PIEZO2: variants seen among roughly 807,000 people sequenced by gnomAD.
PIEZO2 encodes piezo type mechanosensitive ion channel component 2.
PIEZO2 carries 172 observed loss-of-function variants against 337.3 expected under a neutral mutation model. The ratio of observed to expected loss-of-function variants is 0.51; its 90% CI spans 0.45 to 0.58. The LOEUF is 0.58. Ranked by LOEUF, PIEZO2 falls within the 20% of genes least tolerant of loss-of-function variation. The pLI is 0.00. For synonymous variants in PIEZO2, 1,251 were observed against 1,228.5 expected (o/e 1.02, Z -0.38); for missense variants, 3,028 against 3,391.3 (o/e 0.89, Z 2.66).
rs569091611 is a variant in PIEZO2, at chr18:10,937,940, T to C, written c.287-26712A>G. ...AACCAGTTCTGACACAAATGGTGGG[T>C]TTCAGAGAACGGAGTAGAGATGAGA... On this transcript the variant is annotated intron_variant, in intron 3 of 55. Coordinates refer to ENST00000674853, the MANE Select transcript of PIEZO2 (RefSeq NM_001378183.1). Among the ~76,000 whole-genome samples, 6 of 152,288 alleles carry C rather than the reference T, an allele frequency of 3.9e-5. No individual in the cohort carries two copies. In the South Asian group the frequency reaches 1.2e-3, roughly 32 times the overall value.
At position 10,820,718 on chromosome 18, in the gene PIEZO2, G is replaced by A. The variant is rs146660391; in HGVS notation, c.918-13444C>T. On this transcript the variant is annotated intron_variant, in intron 7 of 55. Coordinates refer to ENST00000674853, the MANE Select transcript of PIEZO2 (RefSeq NM_001378183.1). ...TGAACATTGTTATTTCTACATTATCGAGTGTCTCGATTTTGTTGTCATTTA... is the reference window on the plus strand; with the variant it reads ...TGAACATTGTTATTTCTACATTATCAAGTGTCTCGATTTTGTTGTCATTTA... 4.2e-3 allele frequency among the ~76,000 whole-genome samples: 641 copies of A among 152,030 alleles called. 1 individual carries two copies. Among genetic ancestry groups the A allele is most frequent in the African/African-American group, 0.014 (580 of 41,464 alleles).
At position 10,787,866 on chromosome 18, in the gene PIEZO2, G is replaced by C. The variant is rs534252036; in HGVS notation, c.2170-682C>G. On this transcript the variant is annotated intron_variant, in intron 15 of 55. Coordinates refer to ENST00000674853, the MANE Select transcript of PIEZO2 (RefSeq NM_001378183.1). ...ATCATCAGTTAAAAGTGAGTCTGTG[G>C]AGAAGTAACTCATTTTAATGTATCT... Among the ~76,000 whole-genome samples the C allele has an allele frequency of 3.2e-4, 48 of 152,228 alleles. No individual in the cohort carries two copies. The South Asian group carries it at 8.9e-3, about 28-fold the overall frequency.
intron 1 of PIEZO2, among the ~76,000 whole-genome samples, chr18:11,107,013 T>C (rs1260634490): frequency 4.6e-5 from 7 of 152,178 alleles, no homozygotes; most frequent in Non-Finnish European, 8.8e-5. Context: ...AAGCTTCAGT[T>C]TGACAAAAAA....
chr18:10,731,667 A>ATT (rs3034920), intron 35 of PIEZO2, 146 bp from the exon 36 acceptor site: 7,842 of 379,708 alleles, frequency 0.021, no homozygotes, highest in South Asian at 0.028. Context: ...ATGAGATTCA[A>ATT]TTTTTTTTTT....
chr18:10,961,086 CAGG>C, intron 3 of PIEZO2, among the ~76,000 whole-genome samples: 1 of 151,644 alleles, frequency 6.6e-6, no homozygotes, highest in East Asian at 1.9e-4. Context: ...GAGGCTGAGG[CAGG>C]AGAATGGTGT....
rs2039153915 is a variant in PIEZO2, at chr18:10,784,710, G to A, written c.2492+74C>T. 1.5e-6 allele frequency: 2 copies of A among 1,318,412 alleles called. No homozygotes were observed. Among genetic ancestry groups the A allele is most frequent in the Admixed American group, 6.6e-5 (2 of 30,532 alleles). 81.7% of individuals were successfully genotyped at this position (1,318,412 alleles called of 1,614,324 possible). On this transcript the variant is annotated intron_variant, in intron 17 of 55. Coordinates refer to ENST00000674853, the MANE Select transcript of PIEZO2 (RefSeq NM_001378183.1). This position sits in a 1 kb window ranked among gnomAD's most constrained non-coding sequence, Gnocchi z 4.5. ...TTTTAGATTACTGGCTTCTCGCAAG[G>A]TGGCCAACCTAAGGTAGGGTTGAAG...
chr18:11,126,540 C>T lies in PIEZO2; in HGVS notation c.64+21985G>A, dbSNP rs1371241224. ...AAGGCCCACGTGATCTGATGAATAC[C>T]ATCAGCAATTTTTTTACTCTGAGAA... is the stretch of plus-strand genomic sequence containing the variant. On this transcript the variant is annotated intron_variant, in intron 1 of 55. Coordinates refer to ENST00000674853, the MANE Select transcript of PIEZO2 (RefSeq NM_001378183.1). The surrounding 1 kb of genome is among the most constrained non-coding windows in gnomAD (Gnocchi z 4.6). Among the ~76,000 whole-genome samples, 1 of 152,098 alleles carries T rather than the reference C, an allele frequency of 6.6e-6. No homozygotes were observed. Among genetic ancestry groups the T allele is most frequent in the African/African-American group, 2.4e-5 (1 of 41,416 alleles).
At chr18:10,733,610 G>A (rs1047644339) in intron 35 of PIEZO2, among the ~76,000 whole-genome samples, 2 of 151,958 alleles carry the variant, frequency 1.3e-5, no homozygotes, top group Non-Finnish European at 2.9e-5. Context: ...CACCACGCCC[G>A]GCTAATTTTT....
At position 10,807,110 on chromosome 18, in the gene PIEZO2, A is replaced by C; in HGVS notation, c.1080+2T>G. The C allele has an allele frequency of 6.5e-7, 1 of 1,533,392 alleles. No individual in the cohort carries two copies. Among genetic ancestry groups the C allele is most frequent in the Non-Finnish European group, 8.7e-7 (1 of 1,144,826 alleles). 95.0% of individuals were successfully genotyped at this position (1,533,392 alleles called of 1,614,324 possible). On this transcript the variant is annotated splice_donor_variant, in intron 8 of 55. Coordinates refer to ENST00000674853, the MANE Select transcript of PIEZO2 (RefSeq NM_001378183.1). LOFTEE classifies it high-confidence loss of function. ...AGATCATGAAAATGTTTTTGTCCTT[A>C]CAAGGGGCTCTTGCAGCCAGATGCG...
At chr18:10,874,128 T>C (rs1048428966) in intron 4 of PIEZO2, among the ~76,000 whole-genome samples, 3 of 151,824 alleles carry the variant, frequency 2.0e-5, no homozygotes, top group African/African-American at 7.3e-5. Context: ...ATAGTAAAAA[T>C]AAACAACCAA....
intron 2 of PIEZO2, among the ~76,000 whole-genome samples, chr18:10,987,637 G>A (rs2034929661): frequency 6.6e-6 from 1 of 151,980 alleles, no homozygotes; most frequent in Non-Finnish European, 1.5e-5. Flanking sequence ...ATTGGTTTTG[G>A]CAATGACTTT....
At chr18:11,037,172 G>A (rs1336501474) in intron 2 of PIEZO2, among the ~76,000 whole-genome samples, 3 of 151,984 alleles carry the variant, frequency 2.0e-5, no homozygotes, top group Non-Finnish European at 2.9e-5. Context: ...TCACCATGTC[G>A]GCCAGTCAGA....
chr18:11,059,199 C>T (rs542383689), intron 2 of PIEZO2, among the ~76,000 whole-genome samples: 58 of 149,524 alleles, frequency 3.9e-4, no homozygotes, highest in African/African-American at 1.2e-3. Context: ...TACAGACAAG[C>T]AAATGCTGAG....
intron 15 of PIEZO2, among the ~76,000 whole-genome samples, chr18:10,788,432 AAGGAAGGAAGGAAGG>A (rs2039301229): frequency 2.8e-5 from 1 of 35,202 alleles, no homozygotes; most frequent in African/African-American, 1.8e-4. Flanking sequence ...GAAAGAAAGG[AAGGAAGGAAGGAAGG>A]AAGGAAGGAA....
rs1268264410 is a variant in PIEZO2, at chr18:11,078,149, A to ACACACACACATACACACAC, written c.65-11946_65-11928dup. ...ACACACACATACACACACACTCACC[A>ACACACACACATACACACAC]CACACACACATACACACACCACACA... On this transcript the variant is annotated intron_variant, in intron 1 of 55. Transcript: ENST00000674853. This position sits in a 1 kb window ranked among gnomAD's most constrained non-coding sequence, Gnocchi z 5.3. Among the ~76,000 whole-genome samples, 172 of 151,178 alleles carry ACACACACACATACACACAC rather than the reference A, an allele frequency of 1.1e-3. 1 individual carries two copies. Among genetic ancestry groups the ACACACACACATACACACAC allele is most frequent in the Middle Eastern group, 3.4e-3 (1 of 292 alleles).
intron 4 of PIEZO2, among the ~76,000 whole-genome samples, chr18:10,883,499 C>T (rs1369245266): frequency 6.6e-6 from 1 of 152,112 alleles, no homozygotes; most frequent in Non-Finnish European, 1.5e-5. Flanking sequence ...CGTAGCTAGG[C>T]ATACGTTAGA....
At chr18:10,865,032 G>T (rs1292236778) in intron 5 of PIEZO2, among the ~76,000 whole-genome samples, 1 of 152,172 alleles carries the variant, frequency 6.6e-6, no homozygotes, top group East Asian at 1.9e-4. Flanking sequence ...CAAGAGTGAG[G>T]AGAAGACATC....
chr18:11,048,727 A>G lies in PIEZO2; in HGVS notation c.160+17400T>C, dbSNP rs1216035083. Among the ~76,000 whole-genome samples the G allele has an allele frequency of 6.6e-6, 1 of 152,244 alleles. No individual in the cohort carries two copies. Among genetic ancestry groups the G allele is most frequent in the East Asian group, 1.9e-4 (1 of 5,194 alleles). On this transcript the variant is annotated intron_variant, in intron 2 of 55. Transcript: ENST00000674853. The surrounding 1 kb of genome is among the most constrained non-coding windows in gnomAD (Gnocchi z 4.5). ...TGTGTTTCTTAATTTCCTTATCTGT[A>G]AAACATAAATAATACTATACCTGTC...
At chr18:10,857,280 C>T in intron 5 of PIEZO2, 69 bp from the exon 6 acceptor site, 20 of 1,333,780 alleles carry the variant, frequency 1.5e-5, no homozygotes, top group Non-Finnish European at 2.0e-5. Flanking sequence ...GATTATAGAG[C>T]TTCTAATTCA....
Sources: allele counts gnomAD v4.1 joint callset (sites outside exome capture counted in the v4.1 genomes callset), GRCh38; gene constraint gnomAD v4.1.1; non-coding constraint Gnocchi (gnomAD v3.1); transcripts MANE v1.5; gene names NCBI Gene and HGNC (gene_info 2026-07-23, HGNC 2026-07-21).